MKI67: variants seen among roughly 807,000 people sequenced by gnomAD.
MKI67 encodes the protein proliferation marker protein Ki-67.
In MKI67, 152 loss-of-function variants were observed where a neutral mutation model predicts 233.5. The ratio of observed to expected loss-of-function variants is 0.65; its 90% CI spans 0.57 to 0.74. MKI67 has a LOEUF of 0.74. Among genes scored for constraint, MKI67 ranks in the 30% least tolerant of loss-of-function variants. The pLI is 0.00. For missense variants in MKI67, 3,940 were observed against 3,885.2 expected, an observed-to-expected ratio of 1.01 and a Z score of -0.37; for synonymous variants, 1,465 against 1,418.5, an observed-to-expected ratio of 1.03 and a Z score of -0.74.
At chr10:128,123,905 T>C (rs1853004629) in intron 2 of MKI67, among the ~76,000 whole-genome samples, 1 of 152,176 alleles carries the variant, frequency 6.6e-6, no homozygotes, top group Non-Finnish European at 1.5e-5. Flanking sequence ...AAACTAATAA[T>C]CAGAAGAGTT....
At position 128,103,972 on chromosome 10, in the gene MKI67, G is replaced by A. The variant is rs368793936; in HGVS notation, c.7868C>T (p.Thr2623Met). The A allele has an allele frequency of 9.3e-6, 15 of 1,613,912 alleles. No individual in the cohort carries two copies. The highest frequency in any genetic ancestry group is 5.5e-5 in the South Asian group (5 of 91,088). ...KEELSAVERL[T>M]QTSGQSTHTH... is the part of the protein sequence containing the mutation. ...GTGTGTGCTTTGCCCTGATGTTTGCGTGAGCCTCTCAACTGCTGAGAGCTC... is the reference window on the plus strand; with the variant it reads ...GTGTGTGCTTTGCCCTGATGTTTGCATGAGCCTCTCAACTGCTGAGAGCTC... The change falls in exon 13 of 15, where the codon ACG becomes ATG. Residue 2623 changes from threonine to methionine, a missense_variant. Thr to Met is a moderately conservative substitution (Grantham distance 81). Coordinates refer to ENST00000368654, the MANE Select transcript of MKI67 (RefSeq NM_002417.5).
At position 128,107,534 on chromosome 10, in the gene MKI67, C is replaced by T. The variant is rs773142733; in HGVS notation, c.4306G>A (p.Glu1436Lys). The change falls in exon 13 of 15, where the codon GAA becomes AAA. Residue 1436 changes from glutamate (E) to lysine (K), a missense_variant. Physicochemically the swap from Glu to Lys is moderately conservative, Grantham distance 56 (BLOSUM62 1). Coordinates refer to ENST00000368654, the MANE Select transcript of MKI67 (RefSeq NM_002417.5). ...GEDKSINAFRETAKQKLDPAA... is the reference protein window; with the variant it reads ...GEDKSINAFRKTAKQKLDPAA... ...GGGTCCAGTTTCTGTTTTGCAGTTT[C>T]CCTAAACGCGTTGATGCTTTTATCC... 5.0e-6 allele frequency: 8 copies of T among 1,614,082 alleles called. No homozygotes were observed. The highest frequency in any genetic ancestry group is 6.8e-6 in the Non-Finnish European group (8 of 1,180,026).
chr10:128,111,654 C>T lies in MKI67; in HGVS notation c.2251G>A (p.Asp751Asn). Residue 751 changes from aspartate to asparagine, a missense_variant, in exon 11 of 15, where the codon GAT (aspartate) becomes AAT (asparagine). Coordinates refer to ENST00000368654, the MANE Select transcript of MKI67 (RefSeq NM_002417.5). ...AAGACTACGTTTTTACCTGAAAGAT[C>T]TTCCTTAAAGTCCATTTTTTGGTTG... ...ISNQKMDFKE[D>N]LSGIAEMFKT... 1 of 1,609,236 alleles carries T rather than the reference C, an allele frequency of 6.2e-7. No individual in the cohort carries two copies.
At chr10:128,110,259 A>G in intron 12 of MKI67, 119 bp downstream of exon 12, 1 of 745,542 alleles carries the variant, frequency 1.3e-6, no homozygotes, top group Non-Finnish European at 2.0e-6. Flanking sequence ...GAAGACGGAA[A>G]TGGTATTTTG....
intron 5 of MKI67, 33 bp from the exon 6 acceptor site, chr10:128,116,569 CA>C: frequency 6.3e-7 from 1 of 1,589,874 alleles, no homozygotes; most frequent in Non-Finnish European, 8.6e-7. Flanking sequence ...CAGTTATTTG[CA>C]GGTCTTTCTA....
In MKI67 at chr10:128,103,148, C is replaced by T; in HGVS notation, c.8692G>A (p.Val2898Ile). The change falls in exon 13 of 15, where the codon GTA becomes ATA. Residue 2898 changes from valine (V) to isoleucine (I), a missense_variant. Coordinates refer to ENST00000368654, the MANE Select transcript of MKI67 (RefSeq NM_002417.5). The part of the protein sequence containing the change: ...PAKRKLDAED[V>I]IGSRRQPRAP... Reference sequence around the variant, plus strand: ...CTTGGCTGTCTCCTGCTGCCAATTACATCTTCTGCGTCCAGCTTCCGCTTT... The same window carrying T: ...CTTGGCTGTCTCCTGCTGCCAATTATATCTTCTGCGTCCAGCTTCCGCTTT... 2 of 1,614,100 alleles carry T rather than the reference C, an allele frequency of 1.2e-6. No individual in the cohort carries two copies. Among genetic ancestry groups the T allele is most frequent in the African/African-American group, 1.3e-5 (1 of 75,004 alleles).
In MKI67 at chr10:128,115,674, T is replaced by C. The variant is rs1420934483; in HGVS notation, c.734A>G (p.Lys245Arg). Residue 245 changes from lysine to arginine, a missense_variant, in exon 7 of 15, where the codon AAG (lysine) becomes AGG (arginine). Lys to Arg is a conservative substitution (Grantham distance 26). Coordinates refer to ENST00000368654, the MANE Select transcript of MKI67 (RefSeq NM_002417.5). ...SPFWKLYESV[K>R]KELDVKSQKE... ...TTGTGATTTTACATCCAACTCTTTC[T>C]TCACTGACTCATAAAGCTTCCAAAA... 1 of 1,613,820 alleles carries C rather than the reference T, an allele frequency of 6.2e-7. No individual in the cohort carries two copies. The highest frequency in any genetic ancestry group is 1.7e-5 in the Admixed American group (1 of 59,994).
intron 2 of MKI67, among the ~76,000 whole-genome samples, chr10:128,123,432 T>C (rs915267167): frequency 4.6e-5 from 7 of 152,248 alleles, no homozygotes; most frequent in African/African-American, 1.4e-4. Context: ...AATTACCTTT[T>C]ATATGAAAAG....
chr10:128,101,140 T>C (rs759716721), intron 14 of MKI67, 118 bp downstream of exon 14: 4 of 910,970 alleles, frequency 4.4e-6, no homozygotes, highest in East Asian at 5.0e-5. Context: ...TTAATGTAAC[T>C]GGGAGCTGGC....
rs750447572 is a variant in MKI67 at position 128,104,591 on chromosome 10, A to C, written c.7249T>G (p.Leu2417Val). 3.7e-6 allele frequency: 6 copies of C among 1,613,556 alleles called. No individual in the cohort carries two copies. The South Asian group carries it at 6.6e-5, about 18-fold the overall frequency. The change falls in exon 13 of 15, where the codon TTA becomes GTA. Residue 2417 changes from leucine (L) to valine (V), a missense_variant. Physicochemically the swap from Leu to Val is conservative, Grantham distance 32 (BLOSUM62 1). Transcript: ENST00000368654. ...TGTGGCTGTCTCTTGCTGCCAGGTA[A>C]ATTTCCTAGCAGGTCCAGTTTCTGC... ...PVQKLDLLGNLPGSKRQPQTP... is the reference protein window; with the variant it reads ...PVQKLDLLGNVPGSKRQPQTP...
intron 5 of MKI67, among the ~76,000 whole-genome samples, chr10:128,117,305 G>A (rs565942306): frequency 4.1e-4 from 63 of 152,300 alleles, no homozygotes; most frequent in Middle Eastern, 3.4e-3. Flanking sequence ...TGGCATGTGC[G>A]CCCTCTTGGC....
chr10:128,105,412 G>C lies in MKI67; in HGVS notation c.6428C>G (p.Thr2143Ser), dbSNP rs1256377813. 1.2e-6 allele frequency: 2 copies of C among 1,614,004 alleles called. No homozygotes were observed. The highest frequency in any genetic ancestry group is 1.7e-6 in the Non-Finnish European group (2 of 1,180,024). The part of the protein sequence containing the change: ...ELSALKQLTQ[T>S]THTDKVPGDE... Reference sequence around the variant, plus strand: ...TCCTGGTACTTTGTCTGTGTGTGTGGTCTGTGTGAGCTGCTTCAGGGCTGA... The same window carrying C: ...TCCTGGTACTTTGTCTGTGTGTGTGCTCTGTGTGAGCTGCTTCAGGGCTGA... Residue 2143 changes from threonine (T) to serine (S), a missense_variant, in exon 13 of 15, where the codon ACC (threonine) becomes AGC (serine). Coordinates refer to ENST00000368654, the MANE Select transcript of MKI67 (RefSeq NM_002417.5).
chr10:128,103,438 G>T lies in MKI67; in HGVS notation c.8402C>A (p.Ala2801Asp), dbSNP rs1375133740. The change falls in exon 13 of 15, where the codon GCT (alanine) becomes GAT (aspartate). Residue 2801 changes from alanine (A) to aspartate (D), a missense_variant. Physicochemically the swap from Ala to Asp is moderately radical, Grantham distance 126 (BLOSUM62 -2). Transcript: ENST00000368654. ...RESAQAIEDL[A>D]GFKDPAAGHT... is the part of the protein sequence containing the mutation. ...ACCTGCTGCTGGGTCTTTGAAGCCA[G>T]CTAGGTCTTCTATGGCTTGGGCACT... is the stretch of plus-strand genomic sequence containing the variant. 6.2e-7 allele frequency: 1 copy of T among 1,613,812 alleles called. No homozygotes were observed. Among genetic ancestry groups the T allele is most frequent in the South Asian group, 1.1e-5 (1 of 91,062 alleles).
chr10:128,116,727 T>C (rs934865155), intron 5 of MKI67, among the ~76,000 whole-genome samples, 191 bp from the exon 6 acceptor site: 2 of 152,184 alleles, frequency 1.3e-5, no homozygotes, highest in East Asian at 1.9e-4. Context: ...GCCAACATGA[T>C]GTAACCTCAT....
Position 128,101,561 on chromosome 10 carries a change from C to A in MKI67, c.9402G>T (p.Gln3134His). 6.2e-7 allele frequency: 1 copy of A among 1,614,224 alleles called. No individual in the cohort carries two copies. The highest frequency in any genetic ancestry group is 1.1e-5 in the South Asian group (1 of 91,084). The change falls in exon 14 of 15, where the codon CAG (glutamine) becomes CAT (histidine). Residue 3134 changes from glutamine to histidine, a missense_variant. Gln to His is a conservative substitution (Grantham distance 24). Coordinates refer to ENST00000368654, the MANE Select transcript of MKI67 (RefSeq NM_002417.5). ...PMKTSPEMDI[Q>H]NPDDGARKPI... The stretch of plus-strand genomic sequence containing the variant: ...GTTTCCGGGCTCCATCATCTGGATT[C>A]TGAATGTCCATCTCTGGGGAGGTCT...
At chr10:128,102,516 A>G in intron 13 of MKI67, 63 bp downstream of exon 13, 12 of 1,563,746 alleles carry the variant, frequency 7.7e-6, no homozygotes, top group Non-Finnish European at 1.0e-5. Flanking sequence ...CATGCAAAGT[A>G]TAACACAGAA....
Position 128,107,733 on chromosome 10 carries a change from A to G in MKI67, c.4107T>C (p.Thr1369=). 1 of 1,613,392 alleles carries G rather than the reference A, an allele frequency of 6.2e-7. No individual in the cohort carries two copies. The highest frequency in any genetic ancestry group is 8.5e-7 in the Non-Finnish European group (1 of 1,179,900). The part of the protein sequence containing the change: ...TEEAVAAGKT[T]KMPCESSPPE... Reference sequence around the variant, plus strand: ...GTGGAGAAGATTCGCAGGGCATTTTAGTAGTTTTGCCAGCAGCCACTGCTT... The same window carrying G: ...GTGGAGAAGATTCGCAGGGCATTTTGGTAGTTTTGCCAGCAGCCACTGCTT... Residue 1369 remains threonine, a synonymous_variant, in exon 13 of 15, where the codon ACT becomes ACC. Transcript: ENST00000368654.
At position 128,103,169 on chromosome 10, in the gene MKI67, G is replaced by A. The variant is rs936896895; in HGVS notation, c.8671C>T (p.Arg2891Trp). ...ATTACATCTTCTGCGTCCAGCTTCC[G>A]CTTTGCAGGTTGCTTAAATGCTTTC... ...GTKAFKQPAK[R>W]KLDAEDVIGS... Residue 2891 changes from arginine (R) to tryptophan (W), a missense_variant, in exon 13 of 15, where the codon CGG (arginine) becomes TGG (tryptophan). Arg to Trp is a moderately radical substitution (Grantham distance 101). Coordinates refer to ENST00000368654, the MANE Select transcript of MKI67 (RefSeq NM_002417.5). 14 of 1,611,944 alleles carry A rather than the reference G, an allele frequency of 8.7e-6. No homozygotes were observed. The highest frequency in any genetic ancestry group is 4.5e-5 in the East Asian group (2 of 44,644).
intron 7 of MKI67, among the ~76,000 whole-genome samples, 199 bp from the exon 8 acceptor site, chr10:128,113,801 C>T (rs1014743914): frequency 2.6e-5 from 4 of 152,174 alleles, no homozygotes; most frequent in Admixed American, 1.3e-4. Flanking sequence ...GCCACTAAGA[C>T]GTCAAGTTGC....
Sources: allele counts gnomAD v4.1 joint callset (sites outside exome capture counted in the v4.1 genomes callset), GRCh38; gene constraint gnomAD v4.1.1; transcripts MANE v1.5; gene names NCBI Gene and HGNC (gene_info 2026-07-23, HGNC 2026-07-21).